The following CFAP20DC variants were observed in gnomAD, a reference collection of about 807,000 sequenced individuals.
The protein encoded by CFAP20DC is CFAP20 domain containing.
CFAP20DC carries 84 observed loss-of-function variants against 101.7 expected under a neutral mutation model. The observed-to-expected ratio is 0.83, with a 90% confidence interval of 0.69 to 0.99. The LOEUF (loss-of-function observed/expected upper bound fraction) is 0.99. Among genes scored for constraint, CFAP20DC ranks in the 50% least tolerant of loss-of-function variants. The probability of loss-of-function intolerance (pLI) is 0.00; values close to 1 mark genes in which losing one functional copy is unlikely to be tolerated. For missense variants in CFAP20DC, 1,007 were observed against 970.3 expected, an observed-to-expected ratio of 1.04 and a Z score of -0.50; for synonymous variants, 359 against 351.2, an observed-to-expected ratio of 1.02 and a Z score of -0.25.
chr3:58,736,873 C>G (rs1666049087), intron 3 of CFAP20DC, among the ~76,000 whole-genome samples: 1 of 152,160 alleles, frequency 6.6e-6, no homozygotes, highest in South Asian at 2.1e-4. Flanking sequence ...TTAGTGTTAT[C>G]TGTGGTCCAT....
chr3:58,817,146 C>G (rs1358889080), intron 14 of CFAP20DC, among the ~76,000 whole-genome samples: 2 of 151,830 alleles, frequency 1.3e-5, no homozygotes, highest in Non-Finnish European at 2.9e-5. Flanking sequence ...CTGTACATCA[C>G]CATCATCAAA....
At chr3:58,979,722 T>C (rs1576573258) in intron 4 of CFAP20DC, among the ~76,000 whole-genome samples, 1 of 152,326 alleles carries the variant, frequency 6.6e-6, no homozygotes, top group Admixed American at 6.5e-5. Flanking sequence ...AAAGGATTGC[T>C]TGAAATGCCT....
At chr3:58,944,904 T>A (rs1291184024) in intron 4 of CFAP20DC, among the ~76,000 whole-genome samples, 2 of 152,138 alleles carry the variant, frequency 1.3e-5, no homozygotes, top group Non-Finnish European at 2.9e-5. Context: ...AGAAAAAAAA[T>A]CTATCAAGTA....
chr3:58,919,557 A>G (rs1421962438), intron 5 of CFAP20DC, among the ~76,000 whole-genome samples: 2 of 152,230 alleles, frequency 1.3e-5, no homozygotes, highest in Non-Finnish European at 1.5e-5. Context: ...TGAGATTTCA[A>G]CTGGAATTAG....
At chr3:58,791,465 G>C (rs543287257) in intron 15 of CFAP20DC, among the ~76,000 whole-genome samples, 129 of 152,202 alleles carry the variant, frequency 8.5e-4, no homozygotes, top group African/African-American at 2.9e-3. Flanking sequence ...TTTTAAACTA[G>C]TGCATTATAC....
intron 14 of CFAP20DC, among the ~76,000 whole-genome samples, chr3:58,828,891 G>A (rs2076215327): frequency 6.6e-6 from 1 of 152,120 alleles, no homozygotes; most frequent in African/African-American, 2.4e-5. Flanking sequence ...TATTAGGAAG[G>A]GTGGGTTAAG....
At chr3:59,017,774 CATT>C (rs1423563364) in intron 4 of CFAP20DC, 2 of 152,036 alleles carry the variant, frequency 1.3e-5, no homozygotes, top group African/African-American at 2.4e-5. Context: ...GGAATGCTCA[CATT>C]ATTGGAAACC....
At position 59,040,471 on chromosome 3, in the gene CFAP20DC, C is replaced by T. The variant is rs184561609; in HGVS notation, c.206-842G>A. 2.6e-5 allele frequency among the ~76,000 whole-genome samples: 4 copies of T among 152,102 alleles called. No homozygotes were observed. In the East Asian group the frequency reaches 7.7e-4, roughly 29 times the overall value. On this transcript the variant is annotated intron_variant, in intron 3 of 16. Transcript: ENST00000482387. The stretch of plus-strand genomic sequence containing the variant: ...GTTTTTAGTATGACACTTCCTAAAA[C>T]ATGCAATTTACAAACATATTTTCCT...
chr3:58,846,814 G>A (rs2077692952), intron 13 of CFAP20DC, among the ~76,000 whole-genome samples: 5 of 146,782 alleles, frequency 3.4e-5, no homozygotes. Flanking sequence ...TACCAAAACA[G>A]AGATATAGAT....
intron 14 of CFAP20DC, among the ~76,000 whole-genome samples, chr3:58,806,807 T>C (rs1413222855): frequency 6.6e-6 from 1 of 152,142 alleles, no homozygotes; most frequent in East Asian, 1.9e-4. Flanking sequence ...GGAGTTCCCT[T>C]TCCTAGTCAA....
chr3:58,929,868 C>T (rs1024057742), intron 5 of CFAP20DC, among the ~76,000 whole-genome samples: 1 of 152,142 alleles, frequency 6.6e-6, no homozygotes, highest in Non-Finnish European at 1.5e-5. Flanking sequence ...TTGCCACGCT[C>T]CCTAAATACT....
chr3:58,799,278 G>A lies in CFAP20DC; in HGVS notation c.2237+7117C>T, dbSNP rs556407880. ...GCAACTGCCAGTAAGAATACAGGGCGAACACACTAATTCAATTTTAGAAAA... is the reference window on the plus strand; with the variant it reads ...GCAACTGCCAGTAAGAATACAGGGCAAACACACTAATTCAATTTTAGAAAA... On this transcript the variant is annotated intron_variant, in intron 15 of 16. Transcript: ENST00000482387. The surrounding 1 kb of genome is among the most constrained non-coding windows in gnomAD (Gnocchi z 4.9). Among the ~76,000 whole-genome samples, 297 of 152,184 alleles carry A rather than the reference G, an allele frequency of 2.0e-3. No individual in the cohort carries two copies. The highest frequency in any genetic ancestry group is 3.5e-3 in the Non-Finnish European group (236 of 68,004).
chr3:59,021,693 A>T (rs937396789), intron 4 of CFAP20DC, among the ~76,000 whole-genome samples: 1 of 152,098 alleles, frequency 6.6e-6, no homozygotes, highest in South Asian at 2.1e-4. Flanking sequence ...GGCAGCCATT[A>T]TTGTCCATAT....
chr3:58,991,594 G>C (rs779772126), intron 4 of CFAP20DC, among the ~76,000 whole-genome samples: 4 of 152,138 alleles, frequency 2.6e-5, no homozygotes, highest in Non-Finnish European at 5.9e-5. Context: ...GGGAAGTTAT[G>C]GTAGTACAGG....
rs1330697074 is a variant in CFAP20DC, at chr3:58,964,168, C to T, written c.279-26406G>A. Among the ~76,000 whole-genome samples the T allele has an allele frequency of 6.6e-6, 1 of 152,150 alleles. No homozygotes were observed. Among genetic ancestry groups the T allele is most frequent in the Non-Finnish European group, 1.5e-5 (1 of 68,038 alleles). On this transcript the variant is annotated intron_variant, in intron 4 of 16. Transcript: ENST00000482387. The surrounding 1 kb of genome is among the most constrained non-coding windows in gnomAD (Gnocchi z 4.1). ...CCAGACACTTTCTGAGTTCCTTATT[C>T]CAGATGTCATAACTATAGCTTCAAT... is the stretch of plus-strand genomic sequence containing the variant.
intron 2 of CFAP20DC, among the ~76,000 whole-genome samples, chr3:59,046,722 C>T (rs1190987980): frequency 6.6e-6 from 1 of 152,076 alleles, no homozygotes; most frequent in East Asian, 1.9e-4. Flanking sequence ...ATTGAGCAAG[C>T]GACCTTAAGA....
intron 15 of CFAP20DC, among the ~76,000 whole-genome samples, chr3:58,791,916 G>C (rs1323781169): frequency 6.6e-6 from 1 of 152,152 alleles, no homozygotes; most frequent in African/African-American, 2.4e-5. Context: ...TAGTTGGCTA[G>C]AATTAGTTGG....
intron 5 of CFAP20DC, among the ~76,000 whole-genome samples, chr3:58,923,941 C>T (rs946306642): frequency 6.6e-6 from 1 of 152,118 alleles, no homozygotes; most frequent in Non-Finnish European, 1.5e-5. Context: ...TTTTCTCCCT[C>T]TCTGTGCTTT....
intron 13 of CFAP20DC, among the ~76,000 whole-genome samples, chr3:58,845,306 T>C (rs1237452945): frequency 4.6e-5 from 7 of 151,414 alleles, no homozygotes; most frequent in African/African-American, 1.2e-4. Flanking sequence ...ATCAAATAGA[T>C]GCAATAAAAA....
Sources: gnomAD v4.1 joint callset for allele counts (sites outside exome capture counted in the v4.1 genomes callset) on GRCh38, gnomAD v4.1.1 for gene constraint, Gnocchi (gnomAD v3.1) non-coding constraint, MANE v1.5 for transcripts, NCBI Gene and HGNC (gene_info 2026-07-23, HGNC 2026-07-21) for gene names.